ZHX2: variants seen among roughly 807,000 people sequenced by gnomAD.
The protein encoded by ZHX2 is zinc fingers and homeoboxes protein 2.
A neutral mutation model predicts 21.9 loss-of-function variants in ZHX2; 6 were observed. The ratio of observed to expected loss-of-function variants is 0.27; its 90% CI spans 0.15 to 0.54. The LOEUF (loss-of-function observed/expected upper bound fraction) is 0.54, where lower values mean the gene tolerates loss of function less well. Among genes scored for constraint, ZHX2 ranks in the 20% least tolerant of loss-of-function variants. The pLI is 0.95. For missense variants in ZHX2, 908 were observed against 1,090.7 expected, an observed-to-expected ratio of 0.83 and a Z score of 2.36; for synonymous variants, 434 against 437.1, an observed-to-expected ratio of 0.99 and a Z score of 0.09.
Position 122,859,267 on chromosome 8 carries a change from AT to A in ZHX2, c.-282-4208del, listed in dbSNP as rs574589114. ...AGGATAAATGGAGAAAACAGAACTG[AT>A]TAAGTGAGAGTCCCAGCTCTGAGAA... On this transcript the variant is annotated intron_variant, in intron 1 of 3. Transcript: ENST00000314393. 6.4e-3 allele frequency among the ~76,000 whole-genome samples: 969 copies of A among 152,280 alleles called. 6 individuals are homozygous for A. The highest frequency in any genetic ancestry group is 0.017 in the Middle Eastern group (5 of 294).
chr8:122,804,807 G>A (rs1237467858), intron 1 of ZHX2, among the ~76,000 whole-genome samples: 4 of 152,128 alleles, frequency 2.6e-5, no homozygotes, highest in African/African-American at 4.8e-5. Context: ...GCCCAGCCGG[G>A]ACTCAAACCC....
rs1817309163 is a variant in ZHX2, at chr8:122,782,511, C to CCCCCTCTCCCCTCGCT, written c.-283+576_-283+591dup. On this transcript the variant is annotated intron_variant, in intron 1 of 3. Transcript: ENST00000314393. The surrounding 1 kb of genome is among the most constrained non-coding windows in gnomAD (Gnocchi z 5.3). ...GCTGCGTGTGTCTGCTCCCCTCCCT[C>CCCCCTCTCCCCTCGCT]CCCCTCTCCCCTCGCTCCCCTCTCC... 4.6e-5 allele frequency among the ~76,000 whole-genome samples: 7 copies of CCCCCTCTCCCCTCGCT among 152,004 alleles called. No individual in the cohort carries two copies. Among genetic ancestry groups the CCCCCTCTCCCCTCGCT allele is most frequent in the Admixed American group, 6.5e-5 (1 of 15,270 alleles).
At chr8:122,833,571 AAGTT>A (rs1226030986) in intron 1 of ZHX2, among the ~76,000 whole-genome samples, 2 of 152,080 alleles carry the variant, frequency 1.3e-5, no homozygotes, top group Admixed American at 6.6e-5. Context: ...GAGTAGAAGA[AAGTT>A]AGATGGCCCA....
intron 2 of ZHX2, among the ~76,000 whole-genome samples, chr8:122,936,439 T>G (rs1812692945): frequency 6.6e-6 from 1 of 152,204 alleles, no homozygotes. Flanking sequence ...GAAGAGGGAA[T>G]GGTGTGGGGT....
At chr8:122,805,554 T>C (rs1297842714) in intron 1 of ZHX2, among the ~76,000 whole-genome samples, 1 of 152,076 alleles carries the variant, frequency 6.6e-6, no homozygotes, top group Non-Finnish European at 1.5e-5. Flanking sequence ...CTCATGAAGA[T>C]CTTTCTTTTT....
In ZHX2 at chr8:122,867,292, G is replaced by T. The variant is rs527827577; in HGVS notation, c.-220+3753G>T. ...AGTGAGTGAAAAGTCTTCAGCCCAGGGTGTTTCCTGCAGGCAGTTGAGCCT... is the reference window on the plus strand; with the variant it reads ...AGTGAGTGAAAAGTCTTCAGCCCAGTGTGTTTCCTGCAGGCAGTTGAGCCT... On this transcript the variant is annotated intron_variant, in intron 2 of 3. Coordinates refer to ENST00000314393, the MANE Select transcript of ZHX2 (RefSeq NM_014943.5). Among the ~76,000 whole-genome samples, 9 of 152,296 alleles carry T rather than the reference G, an allele frequency of 5.9e-5. No individual in the cohort carries two copies. The South Asian group carries it at 1.7e-3, about 28-fold the overall frequency.
At chr8:122,866,121 G>C (rs947856014) in intron 2 of ZHX2, among the ~76,000 whole-genome samples, 1 of 152,170 alleles carries the variant, frequency 6.6e-6, no homozygotes, top group Non-Finnish European at 1.5e-5. Context: ...GGAAGTAGTC[G>C]TGAAGACTGA....
At chr8:122,842,204 G>T (rs1818646539) in intron 1 of ZHX2, among the ~76,000 whole-genome samples, 1 of 152,336 alleles carries the variant, frequency 6.6e-6, no homozygotes, top group South Asian at 2.1e-4. Context: ...AAAATGAGAA[G>T]GTTGTAGGAA....
chr8:122,824,944 G>A lies in ZHX2; in HGVS notation c.-282-38533G>A, dbSNP rs1169026354. Among the ~76,000 whole-genome samples, 3 of 152,110 alleles carry A rather than the reference G, an allele frequency of 2.0e-5. No individual in the cohort carries two copies. The East Asian group carries it at 5.8e-4, about 29-fold the overall frequency. Reference sequence around the variant, plus strand: ...CCCGTCCATCTTCAAAGCCAGCAGTGGTCAGTTGAGTCTTTCTCCAGCCGC... The same window carrying A: ...CCCGTCCATCTTCAAAGCCAGCAGTAGTCAGTTGAGTCTTTCTCCAGCCGC... On this transcript the variant is annotated intron_variant, in intron 1 of 3. Transcript: ENST00000314393.
At chr8:122,820,255 G>A (rs928967940) in intron 1 of ZHX2, among the ~76,000 whole-genome samples, 12 of 152,170 alleles carry the variant, frequency 7.9e-5, no homozygotes, top group Non-Finnish European at 1.3e-4. Flanking sequence ...GCTGGCTGTG[G>A]CCTCCTCGCA....
chr8:122,815,242 C>T (rs1415699360), intron 1 of ZHX2, among the ~76,000 whole-genome samples: 1 of 152,138 alleles, frequency 6.6e-6, no homozygotes, highest in Non-Finnish European at 1.5e-5. Context: ...CCGTTAGGTA[C>T]AATAGGCACA....
At chr8:122,837,299 G>C (rs2130698321) in intron 1 of ZHX2, among the ~76,000 whole-genome samples, 1 of 152,158 alleles carries the variant, frequency 6.6e-6, no homozygotes. Context: ...CCCTCTCTTG[G>C]GATCTAGATC....
At position 122,952,094 on chromosome 8, in the gene ZHX2, A is replaced by C. The variant is rs778342672; in HGVS notation, c.584A>C (p.Asp195Ala). The C allele has an allele frequency of 6.2e-7, 1 of 1,613,680 alleles. No homozygotes were observed. The highest frequency in any genetic ancestry group is 8.5e-7 in the Non-Finnish European group (1 of 1,179,954). The change falls in exon 3 of 4, where the codon GAT becomes GCT. Residue 195 changes from aspartate (D) to alanine (A), a missense_variant. By Grantham distance (126) the Asp-to-Ala change is moderately radical (BLOSUM62 -2). Transcript: ENST00000314393. The surrounding 1 kb of genome is among the most constrained non-coding windows in gnomAD (Gnocchi z 6.9). ...PIMKPGKPKA[D>A]AKKVPKKPEE... ...ATGAAGCCTGGAAAACCAAAAGCGG[A>C]TGCCAAGAAGGTGCCCAAGAAGCCC...
intron 3 of ZHX2, among the ~76,000 whole-genome samples, chr8:122,971,916 C>T (rs1320958901): frequency 6.6e-6 from 1 of 152,174 alleles, no homozygotes; most frequent in East Asian, 1.9e-4. Flanking sequence ...TTTCACAGTT[C>T]TGCAGGCCAG....
chr8:122,892,605 T>C (rs763743228), intron 2 of ZHX2, among the ~76,000 whole-genome samples: 5 of 152,220 alleles, frequency 3.3e-5, no homozygotes, highest in Non-Finnish European at 7.3e-5. Flanking sequence ...TTTTACACTT[T>C]TGTGTGTTTT....
intron 1 of ZHX2, among the ~76,000 whole-genome samples, chr8:122,801,354 T>G (rs1817716226): frequency 6.6e-6 from 1 of 152,150 alleles, no homozygotes; most frequent in Admixed American, 6.5e-5. Flanking sequence ...TTTCATAAGT[T>G]AGGACTTGAC....
rs75802013 is a variant in ZHX2 at position 122,814,282 on chromosome 8, C to T, written c.-283+32336C>T. On this transcript the variant is annotated intron_variant, in intron 1 of 3. Coordinates refer to ENST00000314393, the MANE Select transcript of ZHX2 (RefSeq NM_014943.5). ...TACTAAAAAGATTGTTTTTATTCTC[C>T]GGGAACTGGCTGGCTGCATCTGTTT... is the stretch of plus-strand genomic sequence containing the variant. 9.3e-3 allele frequency among the ~76,000 whole-genome samples: 1,412 copies of T among 152,226 alleles called. 13 individuals carry two copies. The highest frequency in any genetic ancestry group is 0.032 in the African/African-American group (1,316 of 41,514).
chr8:122,948,486 A>G (rs1813031876), intron 2 of ZHX2, among the ~76,000 whole-genome samples: 1 of 152,196 alleles, frequency 6.6e-6, no homozygotes, highest in African/African-American at 2.4e-5. Context: ...TTCACAGGTG[A>G]TATTGATTCA....
intron 2 of ZHX2, among the ~76,000 whole-genome samples, chr8:122,875,278 G>A (rs1819545363): frequency 6.6e-6 from 1 of 150,436 alleles, no homozygotes; most frequent in Non-Finnish European, 1.5e-5. Flanking sequence ...GGCTCTGTGT[G>A]GCCTGTGGGC....
Sources: allele counts gnomAD v4.1 joint callset (sites outside exome capture counted in the v4.1 genomes callset), GRCh38; gene constraint gnomAD v4.1.1; non-coding constraint Gnocchi (gnomAD v3.1); transcripts MANE v1.5; gene names NCBI Gene and HGNC (gene_info 2026-07-23, HGNC 2026-07-21).